The following CYP3A5 variants were observed in gnomAD, a reference collection of about 807,000 sequenced individuals.
CYP3A5 encodes the protein cytochrome P450 family 3 subfamily A member 5, also known as cytochrome P450 3A5.
CYP3A5 carries 51 observed loss-of-function variants against 55.9 expected under a neutral mutation model. The observed-to-expected ratio is 0.91, with a 90% confidence interval of 0.73 to 1.15. The LOEUF is 1.15. Ranked by LOEUF, CYP3A5 falls within the 50% of genes most tolerant of loss-of-function variation. The pLI, the probability that CYP3A5 is intolerant of heterozygous loss-of-function variation, is 0.00. For missense variants in CYP3A5, 533 were observed against 596.6 expected (o/e 0.89, Z 1.11); for synonymous variants, 196 against 213.9 (o/e 0.92, Z 0.73).
chr7:99,648,502 T>A, intron 12 of CYP3A5, 102 bp from the exon 13 acceptor site: 9 of 667,230 alleles, frequency 1.3e-5, no homozygotes, highest in Non-Finnish European at 1.7e-5. Context: ...TTTGCAAGCA[T>A]ATAAAAACGA....
intron 7 of CYP3A5, 53 bp downstream of exon 7, chr7:99,665,113 G>T (rs1810864948): frequency 9.2e-6 from 13 of 1,414,966 alleles, no homozygotes; most frequent in Middle Eastern, 1.8e-4. Context: ...TGAATTATAT[G>T]TCAAGAAAGC....
intron 6 of CYP3A5, 139 bp from the exon 7 acceptor site, chr7:99,665,453 C>A: frequency 7.9e-7 from 1 of 1,258,984 alleles, no homozygotes; most frequent in South Asian, 1.3e-5. Flanking sequence ...GAATCATCTT[C>A]CATCTACTCC....
At chr7:99,666,527 G>T in intron 6 of CYP3A5, 74 bp downstream of exon 6, 2 of 1,473,470 alleles carry the variant, frequency 1.4e-6, no homozygotes, top group South Asian at 1.1e-5. Context: ...CCAACAGTGC[G>T]ACTGTCGACT....
intron 4 of CYP3A5, among the ~76,000 whole-genome samples, chr7:99,670,404 A>C (rs1811483766): frequency 6.6e-6 from 1 of 152,232 alleles, no homozygotes; most frequent in Admixed American, 6.5e-5. Context: ...GCATTTCGAC[A>C]TGTTGGCTAA....
intron 4 of CYP3A5, chr7:99,671,868 G>A (rs371669684): frequency 5.4e-5 from 38 of 702,674 alleles, no homozygotes; most frequent in South Asian, 1.3e-4. Context: ...GGTGCTGGTC[G>A]TTGCACAAAT....
intron 1 of CYP3A5, chr7:99,676,678 G>A: frequency 1.6e-6 from 1 of 627,158 alleles, no homozygotes; most frequent in Non-Finnish European, 2.7e-6. Flanking sequence ...AGCCTATGGT[G>A]ACACTGCCCT....
chr7:99,670,401 G>A (rs1249579321), intron 4 of CYP3A5, among the ~76,000 whole-genome samples: 1 of 152,106 alleles, frequency 6.6e-6, no homozygotes, highest in Admixed American at 6.5e-5. Flanking sequence ...TATGCATTTC[G>A]ACATGTTGGC....
Position 99,648,225 on chromosome 7 carries a change from G to C in CYP3A5, c.*80C>G. On this transcript the variant is annotated 3_prime_UTR_variant, in exon 13 of 13. Coordinates refer to ENST00000222982, the MANE Select transcript of CYP3A5 (RefSeq NM_000777.5). ...AGATTAAGCCCATCTTTATTTCAAGGTTTTATTGACTAAGTTGAAATCTCT... is the reference window on the plus strand; with the variant it reads ...AGATTAAGCCCATCTTTATTTCAAGCTTTTATTGACTAAGTTGAAATCTCT... 6.5e-7 allele frequency: 1 copy of C among 1,546,388 alleles called. No homozygotes were observed. The highest frequency in any genetic ancestry group is 8.7e-7 in the Non-Finnish European group (1 of 1,145,142).
rs761727668 is a variant in CYP3A5, at chr7:99,663,799, C to T, written c.798+169G>A. Reference sequence around the variant, plus strand: ...AAATGCTATCTCTCTGACTCATTCTCATCTCCTTCCCCAATCTCCTTCTTT... The same window carrying T: ...AAATGCTATCTCTCTGACTCATTCTTATCTCCTTCCCCAATCTCCTTCTTT... On this transcript the variant is annotated intron_variant, in intron 8 of 12. Transcript: ENST00000222982. 3.9e-4 allele frequency: 520 copies of T among 1,321,240 alleles called. No homozygotes were observed. The Middle Eastern group carries it at 4.1e-3, about 10-fold the overall frequency. The allele number at this position is 1,321,240 out of a possible 1,614,324, so 81.8% of individuals were successfully genotyped here.
chr7:99,659,887 T>A (rs1810230972), intron 10 of CYP3A5: 1 of 150,030 alleles, frequency 6.7e-6, no homozygotes, highest in Non-Finnish European at 1.5e-5. Context: ...GCGCGGGATA[T>A]AATCTCCTGG....
chr7:99,679,275 C>T (rs945015726), intron 1 of CYP3A5, among the ~76,000 whole-genome samples: 2 of 152,116 alleles, frequency 1.3e-5, no homozygotes, highest in African/African-American at 2.4e-5. Context: ...CAGGGGACAG[C>T]TTCCCATGAA....
At position 99,653,543 on chromosome 7, in the gene CYP3A5, G is replaced by A. The variant is rs1809393991; in HGVS notation, c.1027-764C>T. ...ATACGACAAAATAAATTTATGATTGGATGCTACCAAGGTACACAATTTGAG... is the reference window on the plus strand; with the variant it reads ...ATACGACAAAATAAATTTATGATTGAATGCTACCAAGGTACACAATTTGAG... On this transcript the variant is annotated intron_variant, in intron 10 of 12. Transcript: ENST00000222982. The surrounding 1 kb of genome is among the most constrained non-coding windows in gnomAD (Gnocchi z 4.2). 6.6e-6 allele frequency among the ~76,000 whole-genome samples: 1 copy of A among 152,104 alleles called. No individual in the cohort carries two copies. Among genetic ancestry groups the A allele is most frequent in the Non-Finnish European group, 1.5e-5 (1 of 68,032 alleles).
At chr7:99,658,595 GTTCTCTGTA>G (rs1810034755) in intron 10 of CYP3A5, among the ~76,000 whole-genome samples, 2 of 152,070 alleles carry the variant, frequency 1.3e-5, no homozygotes, top group South Asian at 4.1e-4. Context: ...TCTTTGTGGC[GTTCTCTGTA>G]TTTCCTGAAT....
chr7:99,658,050 G>A (rs1809960680), intron 10 of CYP3A5, among the ~76,000 whole-genome samples: 1 of 152,134 alleles, frequency 6.6e-6, no homozygotes, highest in African/African-American at 2.4e-5. Flanking sequence ...GCCAGTCTGT[G>A]TCTTTTAATT....
intron 3 of CYP3A5, 23 bp from the exon 4 acceptor site, chr7:99,672,702 A>G (rs1388601939): frequency 6.2e-7 from 1 of 1,612,988 alleles, no homozygotes; most frequent in African/African-American, 1.3e-5. Flanking sequence ...AACGGAGCTG[A>G]TTAAACTTCA....
rs41303343 is a variant in CYP3A5 at position 99,652,770 on chromosome 7, T to TA, written c.1035dup (p.Thr346TyrfsTer3). 5.3e-3 allele frequency: 8,496 copies of TA among 1,613,102 alleles called. 441 individuals carry two copies. The African/African-American group carries it at 0.1, about 19-fold the overall frequency. On this transcript the variant is annotated frameshift_variant, in exon 11 of 13. Transcript: ENST00000222982. LOFTEE classifies it high-confidence loss of function. ...TCCATCTGTACCACGGCATCATAGG[T>TA]AGGTGGTGCCTGGAAGGAAAGAAAC...
At position 99,653,654 on chromosome 7, in the gene CYP3A5, G is replaced by A. The variant is rs148271995; in HGVS notation, c.1027-875C>T. Among the ~76,000 whole-genome samples, 31 of 152,196 alleles carry A rather than the reference G, an allele frequency of 2.0e-4. No homozygotes were observed. Among genetic ancestry groups the A allele is most frequent in the African/African-American group, 7.5e-4 (31 of 41,508 alleles). On this transcript the variant is annotated intron_variant, in intron 10 of 12. Coordinates refer to ENST00000222982, the MANE Select transcript of CYP3A5 (RefSeq NM_000777.5). This position sits in a 1 kb window ranked among gnomAD's most constrained non-coding sequence, Gnocchi z 4.2. ...AATAGTTTCCTAGTTGTTGCTTCAGGGCTGGACTGTAATCTTCAGGACTGG... is the reference window on the plus strand; with the variant it reads ...AATAGTTTCCTAGTTGTTGCTTCAGAGCTGGACTGTAATCTTCAGGACTGG...
At chr7:99,656,292 G>C (rs756963735) in intron 10 of CYP3A5, among the ~76,000 whole-genome samples, 1 of 152,128 alleles carries the variant, frequency 6.6e-6, no homozygotes, top group Non-Finnish European at 1.5e-5. Context: ...TAGCATGAAG[G>C]GCTGTTGAAT....
rs1347332995 is a variant in CYP3A5 at position 99,664,016 on chromosome 7, A to G, written c.750T>C (p.Ser250=). 3 of 1,599,218 alleles carry G rather than the reference A, an allele frequency of 1.9e-6. No homozygotes were observed. The East Asian group carries it at 6.7e-5, about 36-fold the overall frequency. Residue 250 remains serine, a synonymous_variant, in exon 8 of 13, where the codon AGT becomes AGC. Transcript: ENST00000222982. ...LFPKDTINFL[S]KSVNRMKKSR... ...TTTTCTTCATTCTGTTTACAGATTT[A>G]CTTAAAAAATTTATGGTATCTTTTG...
Sources: allele counts gnomAD v4.1 joint callset (sites outside exome capture counted in the v4.1 genomes callset), GRCh38; gene constraint gnomAD v4.1.1; non-coding constraint Gnocchi (gnomAD v3.1); transcripts MANE v1.5; gene names NCBI Gene and HGNC (gene_info 2026-07-23, HGNC 2026-07-21).